The following RBFOX1 variants were observed in gnomAD, a reference collection of about 807,000 sequenced individuals.
RBFOX1 encodes the protein RNA binding fox-1 homolog 1.
A neutral mutation model predicts 57.7 loss-of-function variants in RBFOX1; 8 were observed. That is an observed-to-expected ratio of 0.14 (90% CI 0.08 to 0.25). The LOEUF is 0.25. RBFOX1 is among the 10% of genes least tolerant of loss of function. The pLI is 1.00. For synonymous variants in RBFOX1, 326 were observed against 222.4 expected (o/e 1.47, Z -4.15); for missense variants, 611 against 548.5 (o/e 1.11, Z -1.14).
intron 4 of RBFOX1, among the ~76,000 whole-genome samples, chr16:5,944,305 C>T (rs574270186): frequency 1.2e-4 from 18 of 152,288 alleles, no homozygotes; most frequent in African/African-American, 2.2e-4. Flanking sequence ...GGTCACCAGG[C>T]GGCTTTTGAG....
intron 3 of RBFOX1, among the ~76,000 whole-genome samples, chr16:6,900,398 G>C (rs1596579790): frequency 6.6e-6 from 1 of 152,146 alleles, no homozygotes. Flanking sequence ...CAAGGAAAAA[G>C]ATTTTGAAAC....
chr16:6,193,412 A>ATATATATAT (rs2097159311), intron 1 of RBFOX1, among the ~76,000 whole-genome samples: 2 of 95,664 alleles, frequency 2.1e-5, no homozygotes, highest in Non-Finnish European at 4.8e-5. Context: ...ATATATATAT[A>ATATATATAT]TATATATATA....
chr16:5,585,366 T>G (rs927353609), intron 2 of RBFOX1, among the ~76,000 whole-genome samples: 3 of 152,198 alleles, frequency 2.0e-5, no homozygotes, highest in African/African-American at 7.2e-5. Flanking sequence ...TGAATAATAT[T>G]CTGTTGTATG....
chr16:6,794,427 T>A (rs2083556941), intron 3 of RBFOX1, among the ~76,000 whole-genome samples: 3 of 152,078 alleles, frequency 2.0e-5, no homozygotes, highest in Admixed American at 1.3e-4. Flanking sequence ...TTTCTATTGC[T>A]CAGATTCCCT....
intron 4 of RBFOX1, among the ~76,000 whole-genome samples, chr16:7,514,823 G>T (rs1161007473): frequency 6.6e-6 from 1 of 152,182 alleles, no homozygotes; most frequent in Non-Finnish European, 1.5e-5. Context: ...TAGCTCTTTT[G>T]CAAGAACTAG....
At chr16:7,160,820 C>CCCT (rs1486116396) in intron 4 of RBFOX1, among the ~76,000 whole-genome samples, 1 of 142,688 alleles carries the variant, frequency 7.0e-6, no homozygotes, top group Non-Finnish European at 1.5e-5. Flanking sequence ...TCTCCCTCCT[C>CCCT]CCTCCTCCCT....
chr16:6,276,571 G>C (rs2152687773), intron 1 of RBFOX1, among the ~76,000 whole-genome samples: 1 of 152,278 alleles, frequency 6.6e-6, no homozygotes, highest in Middle Eastern at 3.4e-3. Flanking sequence ...TGGAACTGCT[G>C]ACTTCAAGTG....
chr16:7,329,784 G>A (rs541039218), intron 4 of RBFOX1, among the ~76,000 whole-genome samples: 2 of 152,148 alleles, frequency 1.3e-5, no homozygotes, highest in Non-Finnish European at 1.5e-5. Flanking sequence ...ACAGCAAAAG[G>A]TTATTGTATC....
At chr16:7,256,560 G>C (rs1025841792) in intron 4 of RBFOX1, among the ~76,000 whole-genome samples, 18 of 151,946 alleles carry the variant, frequency 1.2e-4, no homozygotes, top group Non-Finnish European at 4.4e-5. Flanking sequence ...CTGTATGTCT[G>C]TTTATACCAT....
chr16:5,634,221 T>A (rs2048611269), intron 3 of RBFOX1, among the ~76,000 whole-genome samples: 1 of 152,244 alleles, frequency 6.6e-6, no homozygotes, highest in African/African-American at 2.4e-5. Flanking sequence ...ACCTGACAGC[T>A]ACTGGTTCAG....
chr16:6,028,824 G>A (rs1387830586), intron 1 of RBFOX1, among the ~76,000 whole-genome samples: 13 of 152,220 alleles, frequency 8.5e-5, no homozygotes, highest in Non-Finnish European at 7.3e-5. Flanking sequence ...ATGGGGCTAT[G>A]TTGGAGTCAG....
intron 2 of RBFOX1, among the ~76,000 whole-genome samples, chr16:6,472,815 G>C (rs950677528): frequency 2.6e-5 from 4 of 151,728 alleles, no homozygotes; most frequent in African/African-American, 9.7e-5. Context: ...AGTAGAGATG[G>C]GGTTTTACCG....
chr16:6,313,607 T>C (rs963278157), intron 1 of RBFOX1, among the ~76,000 whole-genome samples: 1 of 152,182 alleles, frequency 6.6e-6, no homozygotes, highest in Admixed American at 6.5e-5. Context: ...AGTGCATAGG[T>C]GAAGGTAGCT....
intron 3 of RBFOX1, among the ~76,000 whole-genome samples, chr16:6,742,187 A>G (rs10852677): frequency 0.22 from 33,076 of 152,094 alleles, 3,753 homozygotes; most frequent in East Asian, 0.37. Flanking sequence ...ACTTGAAGAA[A>G]TATTTTACCA....
At chr16:7,280,945 T>TTCCCTCCCTCCCTCCCTCCCTCCC (rs1568014716) in intron 4 of RBFOX1, among the ~76,000 whole-genome samples, 1 of 130,240 alleles carries the variant, frequency 7.7e-6, no homozygotes, top group Admixed American at 7.8e-5. Flanking sequence ...TTGCATGTGA[T>TTCCCTCCCTCCCTCCCTCCCTCCC]TCCCTACCTA....
At chr16:6,340,887 G>GA (rs1428483556) in intron 2 of RBFOX1, among the ~76,000 whole-genome samples, 1 of 152,116 alleles carries the variant, frequency 6.6e-6, no homozygotes, top group Non-Finnish European at 1.5e-5. Flanking sequence ...GGGAAAGAGA[G>GA]ACATTCAAAG....
chr16:6,885,494 G>C (rs987000286), intron 3 of RBFOX1, among the ~76,000 whole-genome samples: 2 of 152,078 alleles, frequency 1.3e-5, no homozygotes, highest in African/African-American at 2.4e-5. Flanking sequence ...CAAAGTCCAG[G>C]ATGGTGCATT....
At chr16:5,854,260 A>G (rs1369805036) in intron 3 of RBFOX1, among the ~76,000 whole-genome samples, 2 of 152,188 alleles carry the variant, frequency 1.3e-5, no homozygotes, top group African/African-American at 2.4e-5. Flanking sequence ...TCATCACAAG[A>G]CTGTGCATTA....
At chr16:5,767,841 C>G (rs930827064) in intron 3 of RBFOX1, among the ~76,000 whole-genome samples, 1 of 152,176 alleles carries the variant, frequency 6.6e-6, no homozygotes, top group African/African-American at 2.4e-5. Context: ...CTCCCCCTCA[C>G]TCAGCATAAT....
Sources: allele counts gnomAD v4.1 joint callset (sites outside exome capture counted in the v4.1 genomes callset), GRCh38; gene constraint gnomAD v4.1.1; transcripts MANE v1.5; gene names NCBI Gene and HGNC (gene_info 2026-07-23, HGNC 2026-07-21).